The following CEP112 variants were observed in gnomAD, a reference collection of about 807,000 sequenced individuals.
The protein encoded by CEP112 is centrosomal protein 112.
CEP112 carries 127 observed loss-of-function variants against 153.0 expected under a neutral mutation model. That is an observed-to-expected ratio of 0.83 (90% CI 0.72 to 0.96). CEP112 has a LOEUF of 0.96. CEP112 is among the 40% of genes least tolerant of loss of function. The pLI is 0.00. For synonymous variants in CEP112, 358 were observed against 374.4 expected (o/e 0.96, Z 0.51); for missense variants, 1,089 against 1,101.2 (o/e 0.99, Z 0.16).
At position 66,029,868 on chromosome 17, in the gene CEP112, C is replaced by G; in HGVS notation, c.1373+1G>C. Reference sequence around the variant, plus strand: ...GATAAATATCTGATTTCAGACAATACCTTGCCTTTACTTCTTGTAATTCAC... The same window carrying G: ...GATAAATATCTGATTTCAGACAATAGCTTGCCTTTACTTCTTGTAATTCAC... On this transcript the variant is annotated splice_donor_variant, in intron 13 of 26. Coordinates refer to ENST00000535342, the MANE Select transcript of CEP112 (RefSeq NM_001199165.4). LOFTEE classifies it high-confidence loss of function. 6.2e-7 allele frequency: 1 copy of G among 1,612,098 alleles called. No homozygotes were observed. The highest frequency in any genetic ancestry group is 1.1e-5 in the South Asian group (1 of 90,880).
chr17:66,119,110 A>G (rs1217958639), intron 6 of CEP112, among the ~76,000 whole-genome samples: 1 of 152,138 alleles, frequency 6.6e-6, no homozygotes, highest in African/African-American at 2.4e-5. Flanking sequence ...ACCAACCACC[A>G]CACGTTCTCA....
intron 17 of CEP112, among the ~76,000 whole-genome samples, chr17:65,970,136 T>G (rs1304652096): frequency 1.3e-5 from 2 of 152,212 alleles, no homozygotes; most frequent in East Asian, 3.9e-4. Flanking sequence ...ATATTGCATT[T>G]ATGTATTTTG....
At chr17:66,135,284 A>G (rs922387023) in intron 4 of CEP112, among the ~76,000 whole-genome samples, 1 of 152,214 alleles carries the variant, frequency 6.6e-6, no homozygotes, top group African/African-American at 2.4e-5. Context: ...AAAACAGGAC[A>G]TTAGGTACAG....
At chr17:65,869,129 A>C (rs1346026984) in intron 20 of CEP112, among the ~76,000 whole-genome samples, 1 of 152,236 alleles carries the variant, frequency 6.6e-6, no homozygotes, top group Admixed American at 6.5e-5. Flanking sequence ...CTAACCTGCA[A>C]ATAGAACTTT....
chr17:65,655,422 A>C, intron 24 of CEP112: 1 of 1,383,704 alleles, frequency 7.2e-7, no homozygotes, highest in Non-Finnish European at 1.0e-6. Context: ...CATGAAGATA[A>C]CATTTTGTCT....
chr17:66,098,477 C>T (rs1375500180), intron 6 of CEP112, among the ~76,000 whole-genome samples: 1 of 152,088 alleles, frequency 6.6e-6, no homozygotes, highest in East Asian at 1.9e-4. Flanking sequence ...TGAAAATGAA[C>T]AATCCATACC....
chr17:66,027,727 A>G (rs1016242238), intron 15 of CEP112, among the ~76,000 whole-genome samples, 167 bp from the exon 16 acceptor site: 5 of 152,216 alleles, frequency 3.3e-5, no homozygotes, highest in African/African-American at 1.2e-4. Context: ...GCTTTGTATT[A>G]CGAGGCATAA....
chr17:65,726,029 GA>G (rs1425269948), intron 23 of CEP112, among the ~76,000 whole-genome samples: 1 of 152,138 alleles, frequency 6.6e-6, no homozygotes, highest in Non-Finnish European at 1.5e-5. Context: ...TGGGTGTTAT[GA>G]AGAAACGAAA....
At chr17:66,068,179 G>C (rs1369458555) in intron 9 of CEP112, among the ~76,000 whole-genome samples, 1 of 152,008 alleles carries the variant, frequency 6.6e-6, no homozygotes, top group African/African-American at 2.4e-5. Context: ...ATGTAAAAAA[G>C]ATAGCAAGTA....
intron 24 of CEP112, among the ~76,000 whole-genome samples, chr17:65,649,073 A>ACACAC (rs2045597016): frequency 6.3e-4 from 88 of 139,948 alleles, no homozygotes; most frequent in Middle Eastern, 3.9e-3. Context: ...CAAACAAACA[A>ACACAC]ACACACACAC....
chr17:65,966,446 T>C (rs1179884037), intron 17 of CEP112, among the ~76,000 whole-genome samples: 1 of 152,232 alleles, frequency 6.6e-6, no homozygotes. Context: ...ACCCAACATG[T>C]ATGTATAAGG....
intron 23 of CEP112, among the ~76,000 whole-genome samples, chr17:65,704,864 TAGAATG>T (rs1261625682): frequency 6.6e-6 from 1 of 152,206 alleles, no homozygotes; most frequent in Non-Finnish European, 1.5e-5. Context: ...TTAAACCACT[TAGAATG>T]AGAGGATTTA....
chr17:65,814,348 A>G (rs1236789823), intron 21 of CEP112, among the ~76,000 whole-genome samples: 6 of 152,208 alleles, frequency 3.9e-5, no homozygotes, highest in Non-Finnish European at 8.8e-5. Context: ...TCCCTTTTCA[A>G]CACAGTCATC....
At chr17:66,031,486 GTTT>G (rs71160520) in intron 12 of CEP112, among the ~76,000 whole-genome samples, 2 of 21,396 alleles carry the variant, frequency 9.3e-5, no homozygotes, top group African/African-American at 2.8e-4. Flanking sequence ...TTTTTTTTTT[GTTT>G]TTTTTTTTTT....
chr17:65,868,714 T>C (rs2058559303), intron 20 of CEP112, among the ~76,000 whole-genome samples: 1 of 152,188 alleles, frequency 6.6e-6, no homozygotes, highest in Non-Finnish European at 1.5e-5. Flanking sequence ...ACTGAATTTA[T>C]ATAATGCATA....
chr17:65,689,644 T>C (rs964516914), intron 23 of CEP112, among the ~76,000 whole-genome samples: 3 of 152,192 alleles, frequency 2.0e-5, no homozygotes, highest in African/African-American at 7.2e-5. Context: ...TTCAAAATTA[T>C]ATTATGATAA....
chr17:65,733,529 G>C lies in CEP112; in HGVS notation c.2607+9539C>G, dbSNP rs79654120. On this transcript the variant is annotated intron_variant, in intron 23 of 26. Coordinates refer to ENST00000535342, the MANE Select transcript of CEP112 (RefSeq NM_001199165.4). Reference sequence around the variant, plus strand: ...AATAAAATGAAGTGCAATAAAACAAGGTGTGTCTGTATATACAAGGCGCAC... The same window carrying C: ...AATAAAATGAAGTGCAATAAAACAACGTGTGTCTGTATATACAAGGCGCAC... Among the ~76,000 whole-genome samples the C allele has an allele frequency of 3.9e-5, 6 of 152,194 alleles. No individual in the cohort carries two copies. In the East Asian group the frequency reaches 1.2e-3, roughly 29 times the overall value.
chr17:65,903,696 T>C (rs370781664), intron 19 of CEP112, among the ~76,000 whole-genome samples: 2 of 152,158 alleles, frequency 1.3e-5, no homozygotes, highest in South Asian at 4.2e-4. Context: ...CTGATGAACA[T>C]CGATGCAAAA....
intron 12 of CEP112, among the ~76,000 whole-genome samples, chr17:66,052,594 G>C (rs916354245): frequency 6.6e-6 from 1 of 152,074 alleles, no homozygotes; most frequent in Non-Finnish European, 1.5e-5. Flanking sequence ...TAGCCTGACT[G>C]TGGTGACCTC....
Sources: allele counts gnomAD v4.1 joint callset (sites outside exome capture counted in the v4.1 genomes callset), GRCh38; gene constraint gnomAD v4.1.1; transcripts MANE v1.5; gene names NCBI Gene and HGNC (gene_info 2026-07-23, HGNC 2026-07-21).